AUTS2: variants seen among roughly 807,000 people sequenced by gnomAD.
The protein encoded by AUTS2 is activator of transcription and developmental regulator AUTS2, also known as autism susceptibility gene 2 protein.
AUTS2 carries 17 observed loss-of-function variants against 112.4 expected under a neutral mutation model. The observed-to-expected ratio is 0.15, with a 90% CI of 0.10 to 0.23. The LOEUF (loss-of-function observed/expected upper bound fraction) is 0.23. Ranked by LOEUF, AUTS2 falls within the 10% of genes least tolerant of loss-of-function variation. The pLI is 1.00. For missense variants in AUTS2, 1,510 were observed against 1,701.6 expected, an observed-to-expected ratio of 0.89 and a Z score of 1.98; for synonymous variants, 751 against 702.7, an observed-to-expected ratio of 1.07 and a Z score of -1.09.
At chr7:69,873,288 T>C (rs1294957405) in intron 1 of AUTS2, among the ~76,000 whole-genome samples, 1 of 152,152 alleles carries the variant, frequency 6.6e-6, no homozygotes, top group East Asian at 1.9e-4. Flanking sequence ...CTGTGGTAGC[T>C]CTGCAGCATA....
intron 4 of AUTS2, among the ~76,000 whole-genome samples, chr7:70,359,583 T>A (rs1366425172): frequency 6.6e-6 from 1 of 152,146 alleles, no homozygotes; most frequent in Non-Finnish European, 1.5e-5. Context: ...GCGCCCTTGC[T>A]TTATCTCAGC....
Position 70,185,257 on chromosome 7 carries a change from CTTTTTTTTTTTT to C in AUTS2, c.660+50702_660+50713del, listed in dbSNP as rs35215443. On this transcript the variant is annotated intron_variant, in intron 4 of 18. Coordinates refer to ENST00000342771, the MANE Select transcript of AUTS2 (RefSeq NM_015570.4). Reference sequence around the variant, plus strand: ...TGCTTTGGGCCTAAATGACATTAAACTTTTTTTTTTTTTTTTTTTTTTTTTTTAAGAAACGAG... The same window carrying C: ...TGCTTTGGGCCTAAATGACATTAAACTTTTTTTTTTTTTTTAAGAAACGAG... 1.8e-4 allele frequency among the ~76,000 whole-genome samples: 16 copies of C among 87,118 alleles called. 1 individual carries two copies. The highest frequency in any genetic ancestry group is 3.2e-4 in the African/African-American group (7 of 21,910). 57.2% of individuals were successfully genotyped at this position (87,118 alleles called of 152,430 possible).
intron 4 of AUTS2, among the ~76,000 whole-genome samples, chr7:70,263,597 T>C (rs572831986): frequency 5.6e-4 from 86 of 152,324 alleles, no homozygotes; most frequent in African/African-American, 1.9e-3. Flanking sequence ...ATAAAAACTT[T>C]ATTACTTTGT....
chr7:70,607,120 A>G (rs1803823720), intron 5 of AUTS2, among the ~76,000 whole-genome samples: 2 of 152,104 alleles, frequency 1.3e-5, no homozygotes, highest in South Asian at 2.1e-4. Context: ...CACTTGGCCT[A>G]CTTCTGAAAG....
intron 4 of AUTS2, among the ~76,000 whole-genome samples, chr7:70,147,787 A>T (rs1807209787): frequency 6.6e-6 from 1 of 152,136 alleles, no homozygotes; most frequent in Admixed American, 6.6e-5. Flanking sequence ...TGGAAAGCCA[A>T]ACCCAAGAAT....
At chr7:69,985,677 C>CCATTCTGT (rs1299728532) in intron 2 of AUTS2, among the ~76,000 whole-genome samples, 32 of 152,286 alleles carry the variant, frequency 2.1e-4, no homozygotes, top group African/African-American at 7.7e-4. Flanking sequence ...GTGGTGGGTT[C>CCATTCTGT]CATTCTGTAC....
chr7:70,539,361 C>G (rs539124448), intron 5 of AUTS2, among the ~76,000 whole-genome samples: 2 of 152,312 alleles, frequency 1.3e-5, no homozygotes, highest in East Asian at 1.9e-4. Context: ...GTGAGGCCAA[C>G]AACCAGGCTG....
intron 2 of AUTS2, among the ~76,000 whole-genome samples, chr7:70,093,319 T>C (rs146737632): frequency 5.9e-5 from 9 of 152,338 alleles, no homozygotes; most frequent in African/African-American, 1.4e-4. Flanking sequence ...CTGCCTCCAT[T>C]CATCGTGGTT....
intron 2 of AUTS2, among the ~76,000 whole-genome samples, chr7:70,064,965 C>T (rs1358502687): frequency 6.6e-6 from 1 of 151,934 alleles, no homozygotes; most frequent in Non-Finnish European, 1.5e-5. Context: ...TTTATATGCC[C>T]AGAGACAATA....
chr7:70,666,652 A>ATT (rs142500701), intron 5 of AUTS2, among the ~76,000 whole-genome samples: 3 of 150,232 alleles, frequency 2.0e-5, no homozygotes, highest in African/African-American at 7.3e-5. Context: ...TTCCCACCAC[A>ATT]TTTTTTTTTA....
intron 4 of AUTS2, among the ~76,000 whole-genome samples, chr7:70,169,247 T>C (rs1808541651): frequency 6.6e-6 from 1 of 151,656 alleles, no homozygotes; most frequent in African/African-American, 2.4e-5. Context: ...TTAATATATA[T>C]ATATTTTTTT....
At chr7:70,784,498 C>T (rs1197950517) in intron 15 of AUTS2, 1 of 155,778 alleles carries the variant, frequency 6.4e-6, no homozygotes, top group Admixed American at 6.8e-5. Flanking sequence ...AGCCTATAAG[C>T]TTATTAATAA....
chr7:69,868,051 A>G (rs907353197), intron 1 of AUTS2, among the ~76,000 whole-genome samples: 2 of 152,186 alleles, frequency 1.3e-5, no homozygotes, highest in Admixed American at 6.5e-5. Flanking sequence ...AAAATTTTAC[A>G]TTAAAGAAAA....
At chr7:70,783,642 T>A (rs1257291897) in intron 15 of AUTS2, 2 of 152,228 alleles carry the variant, frequency 1.3e-5, no homozygotes, top group Admixed American at 6.5e-5. Flanking sequence ...ATAAGCAGTA[T>A]GGGATTCTGC....
chr7:70,698,761 A>G (rs1809280517), intron 6 of AUTS2, 141 bp downstream of exon 6: 5 of 659,412 alleles, frequency 7.6e-6, no homozygotes, highest in Non-Finnish European at 9.9e-6. Context: ...TTTGCTTGAG[A>G]TGGAAGTCTG....
At chr7:69,620,558 T>C (rs750366309) in intron 1 of AUTS2, among the ~76,000 whole-genome samples, 4 of 152,214 alleles carry the variant, frequency 2.6e-5, no homozygotes, top group Non-Finnish European at 5.9e-5. Context: ...TATGATTTCC[T>C]TTCTGGATTA....
At chr7:70,097,425 A>C (rs1400394217) in intron 2 of AUTS2, among the ~76,000 whole-genome samples, 1 of 152,226 alleles carries the variant, frequency 6.6e-6, no homozygotes, top group African/African-American at 2.4e-5. Flanking sequence ...TGATGTCTGC[A>C]TGTGCATGTG....
At chr7:70,689,573 A>G (rs886871034) in intron 5 of AUTS2, among the ~76,000 whole-genome samples, 75 of 151,916 alleles carry the variant, frequency 4.9e-4, no homozygotes, top group Admixed American at 1.7e-3. Flanking sequence ...TCAGGAGATC[A>G]AGACCATCCT....
chr7:69,898,826 G>T (rs1249148005), intron 1 of AUTS2, among the ~76,000 whole-genome samples: 1 of 152,128 alleles, frequency 6.6e-6, no homozygotes, highest in African/African-American at 2.4e-5. Context: ...TTTCTTGCTG[G>T]CTCACATCCA....
Sources: allele counts gnomAD v4.1 joint callset (sites outside exome capture counted in the v4.1 genomes callset), GRCh38; gene constraint gnomAD v4.1.1; transcripts MANE v1.5; gene names NCBI Gene and HGNC (gene_info 2026-07-23, HGNC 2026-07-21).